XYLB: variants seen among roughly 807,000 people sequenced by gnomAD.
XYLB encodes the protein xylulokinase.
In XYLB, 62 loss-of-function variants were observed where a neutral mutation model predicts 78.7. The observed-to-expected ratio is 0.79, with a 90% CI of 0.64 to 0.97. XYLB has a LOEUF of 0.97. Ranked by LOEUF, XYLB falls within the 50% of genes least tolerant of loss-of-function variation. The pLI, the probability that XYLB is intolerant of heterozygous loss-of-function variation, is 0.00. For missense variants in XYLB, 687 were observed against 676.8 expected (o/e 1.02, Z -0.17); for synonymous variants, 245 against 247.4 (o/e 0.99, Z 0.09).
At chr3:38,349,420 G>C (rs1283310068) in intron 2 of XYLB, among the ~76,000 whole-genome samples, 1 of 152,180 alleles carries the variant, frequency 6.6e-6, no homozygotes, top group Admixed American at 6.5e-5. Context: ...TATCTCTCTG[G>C]GGGCATTGGG....
At chr3:38,418,054 G>A (rs2125689939), downstream of XYLB, among the ~76,000 whole-genome samples, 1 of 151,520 alleles carries the variant, frequency 6.6e-6, no homozygotes, top group Admixed American at 6.6e-5. Flanking sequence ...AATTAGGCAG[G>A]CGTGGTAGCA....
chr3:38,444,338 T>C, the XYLB span, among the ~76,000 whole-genome samples: 2 of 152,180 alleles, frequency 1.3e-5, no homozygotes, highest in African/African-American at 4.8e-5. Flanking sequence ...CCTTTGGAGA[T>C]TTCTTTGCTT....
the XYLB span, among the ~76,000 whole-genome samples, chr3:38,433,688 A>T: frequency 2.0e-5 from 3 of 152,180 alleles, no homozygotes; most frequent in African/African-American, 7.2e-5. Context: ...TCTCCATCTG[A>T]AACAACCTCA....
chr3:38,388,451 A>G (rs1707492350), intron 15 of XYLB, among the ~76,000 whole-genome samples: 2 of 152,094 alleles, frequency 1.3e-5, no homozygotes, highest in Non-Finnish European at 2.9e-5. Flanking sequence ...TCATTCCACA[A>G]TATATACATA....
At chr3:38,366,661 A>G (rs1044925466) in intron 6 of XYLB, 147 bp from the exon 7 acceptor site, 5 of 596,166 alleles carry the variant, frequency 8.4e-6, no homozygotes, top group Non-Finnish European at 1.5e-5. Context: ...ACAAGCGCAC[A>G]CTACTGTGCC....
chr3:38,379,551 C>T (rs1266065282), intron 15 of XYLB, among the ~76,000 whole-genome samples: 2 of 152,182 alleles, frequency 1.3e-5, no homozygotes, highest in South Asian at 2.1e-4. Context: ...AGGTTGTTCC[C>T]GCTTCTCAGC....
chr3:38,380,184 A>G (rs1707079516), intron 15 of XYLB, among the ~76,000 whole-genome samples: 2 of 152,188 alleles, frequency 1.3e-5, no homozygotes, highest in Admixed American at 1.3e-4. Flanking sequence ...CCATCTTTCA[A>G]TATGTCATGT....
chr3:38,435,618 C>G, the XYLB span, among the ~76,000 whole-genome samples: 2 of 152,202 alleles, frequency 1.3e-5, no homozygotes, highest in Non-Finnish European at 2.9e-5. Context: ...ACAGAACTTT[C>G]TATCCAACGA....
intron 17 of XYLB, among the ~76,000 whole-genome samples, chr3:38,398,087 G>A (rs1035340795): frequency 6.6e-6 from 1 of 151,406 alleles, no homozygotes; most frequent in Non-Finnish European, 1.5e-5. Context: ...CAAAGTACTG[G>A]GATTACAGGC....
chr3:38,379,329 G>A lies in XYLB; in HGVS notation c.1278G>A (p.Leu426=), dbSNP rs755346122. The change falls in exon 15 of 19, where the codon CTG becomes CTA. Residue 426 remains leucine, a synonymous_variant. Coordinates refer to ENST00000207870, the MANE Select transcript of XYLB (RefSeq NM_005108.4). Reference sequence around the variant, plus strand: ...CCAAGAGGATTCACGCAGAAGGCCTGGGCTATCGAGTCAGTAAGTGAGCCA... The same window carrying A: ...CCAAGAGGATTCACGCAGAAGGCCTAGGCTATCGAGTCAGTAAGTGAGCCA... ...FMAKRIHAEG[L]GYRVMSKTKI... is the part of the protein sequence containing the mutation. The A allele has an allele frequency of 1.9e-6, 3 of 1,613,976 alleles. No individual in the cohort carries two copies. Among genetic ancestry groups the A allele is most frequent in the South Asian group, 2.2e-5 (2 of 91,078 alleles).
At chr3:38,391,553 C>A (rs1272735903) in intron 15 of XYLB, among the ~76,000 whole-genome samples, 1 of 152,166 alleles carries the variant, frequency 6.6e-6, no homozygotes, top group Non-Finnish European at 1.5e-5. Flanking sequence ...TGTTAATTTT[C>A]ATTGTACTGT....
At chr3:38,357,634 C>A (rs886237731) in intron 2 of XYLB, among the ~76,000 whole-genome samples, 1 of 152,202 alleles carries the variant, frequency 6.6e-6, no homozygotes, top group Non-Finnish European at 1.5e-5. Context: ...GATCCGCCCG[C>A]CTCGGCCTCC....
chr3:38,397,652 C>A (rs1411800753), intron 17 of XYLB, among the ~76,000 whole-genome samples: 1 of 152,132 alleles, frequency 6.6e-6, no homozygotes, highest in African/African-American at 2.4e-5. Flanking sequence ...GCTCCCCGAT[C>A]TAGGCGAGTT....
rs761823909 is a variant in XYLB, at chr3:38,379,339, G to T, written c.1288G>T (p.Val430Phe). 1 of 1,614,074 alleles carries T rather than the reference G, an allele frequency of 6.2e-7. No individual in the cohort carries two copies. Among genetic ancestry groups the T allele is most frequent in the Admixed American group, 1.7e-5 (1 of 60,018 alleles). The part of the protein sequence containing the change: ...RIHAEGLGYR[V>F]MSKTKILATG... ...TCACGCAGAAGGCCTGGGCTATCGA[G>T]TCAGTAAGTGAGCCACTGGCAGCAT... is the stretch of plus-strand genomic sequence containing the variant. The change falls in exon 15 of 19, where the codon GTC becomes TTC. Residue 430 changes from valine to phenylalanine, a missense_variant. Physicochemically the swap from Val to Phe is conservative, Grantham distance 50. Transcript: ENST00000207870.
chr3:38,347,470 G>T (rs1559565275), intron 1 of XYLB, among the ~76,000 whole-genome samples: 1 of 152,210 alleles, frequency 6.6e-6, no homozygotes, highest in Non-Finnish European at 1.5e-5. Context: ...TTGAGCCCAG[G>T]AGTTCGAGAC....
At position 38,389,583 on chromosome 3, in the gene XYLB, C is replaced by T. The variant is rs534025317; in HGVS notation, c.1292-5922C>T. The stretch of plus-strand genomic sequence containing the variant: ...GCGGCTGGCCGGGCGGGGGCTGACC[C>T]CCCACCTCCCTCCCGGACGGGGCGG... On this transcript the variant is annotated intron_variant, in intron 15 of 18. Coordinates refer to ENST00000207870, the MANE Select transcript of XYLB (RefSeq NM_005108.4). 8.0e-3 allele frequency among the ~76,000 whole-genome samples: 1,199 copies of T among 150,176 alleles called. 6 individuals carry two copies. Among genetic ancestry groups the T allele is most frequent in the Non-Finnish European group, 0.014 (955 of 67,868 alleles).
chr3:38,358,357 G>GTTTT (rs1553650620), intron 2 of XYLB, among the ~76,000 whole-genome samples: 9 of 90,110 alleles, frequency 1.0e-4, no homozygotes, highest in Non-Finnish European at 1.9e-4. Flanking sequence ...GTGTGTGTGT[G>GTTTT]TTTGAGACAG....
chr3:38,357,910 G>GTT (rs11379464), intron 2 of XYLB, among the ~76,000 whole-genome samples: 5 of 151,180 alleles, frequency 3.3e-5, no homozygotes, highest in South Asian at 4.2e-4. Flanking sequence ...AGTTGTAAAA[G>GTT]TTTTTTTTAA....
the XYLB span, among the ~76,000 whole-genome samples, chr3:38,443,083 T>A: frequency 6.6e-6 from 1 of 152,092 alleles, no homozygotes; most frequent in African/African-American, 2.4e-5. Context: ...CCAATTACAA[T>A]TGAGGAGGTG....
Sources: gnomAD v4.1 joint callset for allele counts (sites outside exome capture counted in the v4.1 genomes callset) on GRCh38, gnomAD v4.1.1 for gene constraint, MANE v1.5 for transcripts, NCBI Gene and HGNC (gene_info 2026-07-23, HGNC 2026-07-21) for gene names.